Variants in CNTNAP5 observed in about 807,000 individuals in gnomAD.
CNTNAP5 encodes contactin-associated protein-like 5.
A neutral mutation model predicts 150.2 loss-of-function variants in CNTNAP5; 72 were observed. That is an observed-to-expected ratio of 0.48 (90% CI 0.40 to 0.58). The LOEUF (loss-of-function observed/expected upper bound fraction) is 0.58, where lower values mean the gene tolerates loss of function less well. Among genes scored for constraint, CNTNAP5 ranks in the 20% least tolerant of loss-of-function variants. The probability of loss-of-function intolerance (pLI) is 0.00; values close to 1 mark genes in which losing one functional copy is unlikely to be tolerated. For synonymous variants in CNTNAP5, 672 were observed against 619.8 expected, an observed-to-expected ratio of 1.08 and a Z score of -1.25; for missense variants, 1,636 against 1,626.2, an observed-to-expected ratio of 1.01 and a Z score of -0.10.
At chr2:124,334,792 G>T (rs956501475) in intron 3 of CNTNAP5, among the ~76,000 whole-genome samples, 3 of 152,102 alleles carry the variant, frequency 2.0e-5, no homozygotes, top group South Asian at 2.1e-4. Context: ...AATGCCAATT[G>T]TGTAATTGCA....
At chr2:124,192,405 CTG>C (rs1685480610) in intron 1 of CNTNAP5, among the ~76,000 whole-genome samples, 1 of 152,114 alleles carries the variant, frequency 6.6e-6, no homozygotes, top group African/African-American at 2.4e-5. Context: ...CCCACTGTGG[CTG>C]TCTAGGGTGA....
At chr2:124,093,718 T>C (rs186306374) in intron 1 of CNTNAP5, among the ~76,000 whole-genome samples, 1 of 152,344 alleles carries the variant, frequency 6.6e-6, no homozygotes, top group African/African-American at 2.4e-5. Context: ...CTAATCTTCA[T>C]ACTTGGGTAT....
At chr2:124,767,121 A>G (rs573325197) in intron 16 of CNTNAP5, among the ~76,000 whole-genome samples, 3 of 152,306 alleles carry the variant, frequency 2.0e-5, no homozygotes, top group Admixed American at 1.3e-4. Context: ...AGAAACCTCT[A>G]TAGACCAGGC....
At chr2:124,230,534 TTA>T (rs1686589672) in intron 2 of CNTNAP5, among the ~76,000 whole-genome samples, 2 of 149,788 alleles carry the variant, frequency 1.3e-5, no homozygotes, top group Admixed American at 6.6e-5. Context: ...ATATAAATTA[TTA>T]TTTTTTTTTT....
intron 1 of CNTNAP5, among the ~76,000 whole-genome samples, chr2:124,197,134 T>C (rs1685606295): frequency 6.6e-6 from 1 of 152,216 alleles, no homozygotes; most frequent in Admixed American, 6.5e-5. Flanking sequence ...ATGTATAAGG[T>C]ACGAATAATC....
rs143672184 is a variant in CNTNAP5, at chr2:124,183,074, T to G, written c.83-38631T>G. ...TGTAATTTGTACCAACCCTTTATAT[T>G]TGGTGAAGATATCACTTTTATCAGG... On this transcript the variant is annotated intron_variant, in intron 1 of 23. Coordinates refer to ENST00000682447, the MANE Select transcript of CNTNAP5 (RefSeq NM_001367498.1). Among the ~76,000 whole-genome samples the G allele has an allele frequency of 5.1e-3, 773 of 152,318 alleles. 4 individuals are homozygous for G. Among genetic ancestry groups the G allele is most frequent in the African/African-American group, 0.017 (722 of 41,584 alleles).
At chr2:124,750,410 C>T (rs1443973289) in intron 14 of CNTNAP5, among the ~76,000 whole-genome samples, 3 of 152,212 alleles carry the variant, frequency 2.0e-5, no homozygotes, top group Admixed American at 2.0e-4. Context: ...TCTGATTCAA[C>T]ACTTCTGAGC....
intron 6 of CNTNAP5, among the ~76,000 whole-genome samples, chr2:124,454,683 G>C (rs947451588): frequency 6.6e-6 from 1 of 152,038 alleles, no homozygotes; most frequent in African/African-American, 2.4e-5. Flanking sequence ...CTGAAATTAT[G>C]TCAAGCACTT....
chr2:124,721,562 G>A (rs1680051330), intron 13 of CNTNAP5, among the ~76,000 whole-genome samples: 1 of 150,768 alleles, frequency 6.6e-6, no homozygotes, highest in Non-Finnish European at 1.5e-5. Context: ...AATATAGGGT[G>A]TCAGAAGCAG....
intron 1 of CNTNAP5, among the ~76,000 whole-genome samples, chr2:124,070,830 T>G (rs1682286612): frequency 6.6e-6 from 1 of 151,982 alleles, no homozygotes; most frequent in Admixed American, 6.6e-5. Context: ...AGATTTAATC[T>G]GCACTGTACA....
intron 3 of CNTNAP5, among the ~76,000 whole-genome samples, chr2:124,378,602 T>G (rs1344120961): frequency 6.6e-6 from 1 of 152,168 alleles, no homozygotes; most frequent in African/African-American, 2.4e-5. Flanking sequence ...CCTTGACTTC[T>G]GTACAATTAT....
intron 14 of CNTNAP5, 109 bp downstream of exon 14, chr2:124,747,494 C>A (rs1186747759): frequency 1.5e-6 from 2 of 1,293,430 alleles, no homozygotes; most frequent in Non-Finnish European, 2.2e-6. Context: ...CAAACTGGAG[C>A]TCCCCCGATG....
intron 10 of CNTNAP5, among the ~76,000 whole-genome samples, chr2:124,556,527 G>A (rs1049449567): frequency 2.0e-5 from 3 of 152,128 alleles, no homozygotes; most frequent in Admixed American, 6.5e-5. Flanking sequence ...GGTTTTTATG[G>A]GATCCCCTTG....
chr2:124,146,472 G>A (rs1354353718), intron 1 of CNTNAP5, among the ~76,000 whole-genome samples: 1 of 151,558 alleles, frequency 6.6e-6, no homozygotes, highest in East Asian at 1.9e-4. Context: ...AGAGAGAAAT[G>A]TTCACAGATT....
At chr2:124,457,536 C>A (rs1229115336) in intron 6 of CNTNAP5, among the ~76,000 whole-genome samples, 3 of 152,004 alleles carry the variant, frequency 2.0e-5, no homozygotes, top group Admixed American at 1.3e-4. Context: ...AGGAAAATGT[C>A]TTTTTATTAA....
chr2:124,331,541 T>A (rs1689348894), intron 3 of CNTNAP5, among the ~76,000 whole-genome samples: 1 of 152,014 alleles, frequency 6.6e-6, no homozygotes, highest in Admixed American at 6.6e-5. Context: ...CTTCCAAAAC[T>A]CAGTTTGAGG....
intron 10 of CNTNAP5, among the ~76,000 whole-genome samples, chr2:124,535,403 C>A (rs1695207250): frequency 6.6e-6 from 1 of 152,172 alleles, no homozygotes; most frequent in Non-Finnish European, 1.5e-5. Flanking sequence ...CATTACATTT[C>A]TTGTGGCAAA....
intron 3 of CNTNAP5, among the ~76,000 whole-genome samples, chr2:124,370,317 T>C (rs945487573): frequency 1.5e-4 from 23 of 152,046 alleles, no homozygotes; most frequent in Admixed American, 5.2e-4. Context: ...AGGGTTGCAA[T>C]GGCTAGAGGG....
intron 19 of CNTNAP5, among the ~76,000 whole-genome samples, chr2:124,856,513 T>C (rs1488779163): frequency 1.3e-5 from 2 of 152,142 alleles, no homozygotes; most frequent in African/African-American, 4.8e-5. Context: ...ATTTTTTGAT[T>C]TTTTGATTTT....
Sources: gnomAD v4.1 joint callset for allele counts (sites outside exome capture counted in the v4.1 genomes callset) on GRCh38, gnomAD v4.1.1 for gene constraint, MANE v1.5 for transcripts, NCBI Gene and HGNC (gene_info 2026-07-23, HGNC 2026-07-21) for gene names.